The following STAP1 variants were observed in gnomAD, a reference collection of about 807,000 sequenced individuals.
STAP1 encodes the protein signal transducing adaptor family member 1, also known as signal-transducing adaptor protein 1.
Under a neutral mutation model 37.8 loss-of-function variants are expected in STAP1, and 30 were observed. The observed-to-expected ratio is 0.79, with a 90% CI of 0.59 to 1.08. The LOEUF (loss-of-function observed/expected upper bound fraction) is 1.08. Among genes scored for constraint, STAP1 ranks in the 50% least tolerant of loss-of-function variants. The pLI is 0.00. For missense variants in STAP1, 357 were observed against 349.4 expected, an observed-to-expected ratio of 1.02 and a Z score of -0.17; for synonymous variants, 130 against 116.0, an observed-to-expected ratio of 1.12 and a Z score of -0.78.
At position 67,571,074 on chromosome 4, in the gene STAP1, T is replaced by C. The variant is rs1727594106; in HGVS notation, c.121-10T>C. On this transcript the variant is annotated splice_polypyrimidine_tract_variant and intron_variant, in intron 1 of 8. Transcript: ENST00000265404. Reference sequence around the variant, plus strand: ...CTAATGAAATAATGTTTATGGTTTCTTTCCCACAGGAGTATGAGCATTACT... The same window carrying C: ...CTAATGAAATAATGTTTATGGTTTCCTTCCCACAGGAGTATGAGCATTACT... 1 of 1,605,980 alleles carries C rather than the reference T, an allele frequency of 6.2e-7. No individual in the cohort carries two copies. Among genetic ancestry groups the C allele is most frequent in the East Asian group, 2.2e-5 (1 of 44,792 alleles).
chr4:67,564,666 A>G (rs1433510353), intron 1 of STAP1, among the ~76,000 whole-genome samples: 1 of 152,116 alleles, frequency 6.6e-6, no homozygotes, highest in African/African-American at 2.4e-5. Context: ...CACAAATGAC[A>G]CTTTGGGAGC....
chr4:67,574,612 AC>A (rs1472819350), intron 2 of STAP1, among the ~76,000 whole-genome samples: 2 of 152,124 alleles, frequency 1.3e-5, no homozygotes, highest in African/African-American at 4.8e-5. Flanking sequence ...TTTTTCCTTT[AC>A]TTTTTAAAGC....
intron 2 of STAP1, among the ~76,000 whole-genome samples, chr4:67,574,365 TATG>T (rs1236854141): frequency 6.6e-6 from 1 of 152,082 alleles, no homozygotes; most frequent in African/African-American, 2.4e-5. Context: ...TATCATTAAA[TATG>T]ATATTTGACA....
chr4:67,573,120 A>G (rs1450436874), intron 2 of STAP1, among the ~76,000 whole-genome samples: 1 of 152,234 alleles, frequency 6.6e-6, no homozygotes, highest in Non-Finnish European at 1.5e-5. Flanking sequence ...AGCTGGCTTT[A>G]AATATTTGAA....
intron 1 of STAP1, among the ~76,000 whole-genome samples, chr4:67,568,629 T>C (rs1208521642): frequency 6.6e-6 from 1 of 152,186 alleles, no homozygotes; most frequent in African/African-American, 2.4e-5. Flanking sequence ...ATGAATGTAT[T>C]AATAATTAAA....
At chr4:67,574,235 C>T (rs1398173551) in intron 2 of STAP1, among the ~76,000 whole-genome samples, 2 of 151,988 alleles carry the variant, frequency 1.3e-5, no homozygotes, top group Non-Finnish European at 2.9e-5. Context: ...TCACAGAATG[C>T]TTTCCTTGAT....
chr4:67,575,388 G>A lies in STAP1; in HGVS notation c.196G>A (p.Val66Ile). 3.2e-6 allele frequency: 5 copies of A among 1,582,104 alleles called. No homozygotes were observed. The highest frequency in any genetic ancestry group is 4.3e-6 in the Non-Finnish European group (5 of 1,168,502). Reference sequence around the variant, plus strand: ...TGATCTTCCTTTATCTTTGCAGTATGTTGACAAATTAGACATAGTAGACCT... The same window carrying A: ...TGATCTTCCTTTATCTTTGCAGTATATTGACAAATTAGACATAGTAGACCT... ...FYTDKKSIIY[V>I]DKLDIVDLTC... The change falls in exon 3 of 9, where the codon GTT (valine) becomes ATT (isoleucine). Residue 66 changes from valine (V) to isoleucine (I), a missense_variant. By Grantham distance (29) the Val-to-Ile change is conservative. Transcript: ENST00000265404.
chr4:67,581,580 C>A (rs1025337586), intron 5 of STAP1, 109 bp downstream of exon 5: 3 of 1,230,340 alleles, frequency 2.4e-6, no homozygotes, highest in African/African-American at 3.0e-5. Context: ...AATAAGCAGT[C>A]TTGGGGATAA....
intron 7 of STAP1, among the ~76,000 whole-genome samples, chr4:67,591,410 A>T (rs562033492): frequency 7.2e-5 from 11 of 152,336 alleles, no homozygotes; most frequent in African/African-American, 1.7e-4. Context: ...CATGGGGCTA[A>T]TGATATAGCT....
intron 1 of STAP1, among the ~76,000 whole-genome samples, chr4:67,562,114 A>G (rs1448425500): frequency 1.3e-5 from 2 of 149,090 alleles, no homozygotes; most frequent in Non-Finnish European, 3.0e-5. Flanking sequence ...GAAAGAAAGA[A>G]AAGAAAAAGA....
At chr4:67,570,204 G>T (rs1321178290) in intron 1 of STAP1, among the ~76,000 whole-genome samples, 1 of 152,144 alleles carries the variant, frequency 6.6e-6, no homozygotes, top group Non-Finnish European at 1.5e-5. Flanking sequence ...GTATAGTATA[G>T]TAAGTACATA....
At chr4:67,600,322 T>C (rs1438546740) in intron 8 of STAP1, among the ~76,000 whole-genome samples, 1 of 152,218 alleles carries the variant, frequency 6.6e-6, no homozygotes, top group South Asian at 2.1e-4. Flanking sequence ...AAAGTTCCTC[T>C]TGTTACTGAT....
intron 8 of STAP1, among the ~76,000 whole-genome samples, chr4:67,597,808 C>A (rs1004350215): frequency 6.6e-6 from 1 of 152,202 alleles, no homozygotes; most frequent in South Asian, 2.1e-4. Context: ...TTACCCAATG[C>A]CTGTACCCCC....
In STAP1 at chr4:67,590,826, A is replaced by G. The variant is rs1299434559; in HGVS notation, c.660-58A>G. On this transcript the variant is annotated intron_variant, in intron 6 of 8. Transcript: ENST00000265404. ...ACAGGTGATATTTTATATTTACTTTAGTTTGCATTTACCCAATTGTATAAT... is the reference window on the plus strand; with the variant it reads ...ACAGGTGATATTTTATATTTACTTTGGTTTGCATTTACCCAATTGTATAAT... 2.8e-6 allele frequency: 3 copies of G among 1,089,644 alleles called. No individual in the cohort carries two copies. The African/African-American group carries it at 5.2e-5, about 19-fold the overall frequency. 67.5% of individuals were successfully genotyped at this position (1,089,644 alleles called of 1,614,324 possible).
intron 8 of STAP1, among the ~76,000 whole-genome samples, chr4:67,598,174 A>C (rs1728265168): frequency 6.6e-6 from 1 of 152,156 alleles, no homozygotes; most frequent in Non-Finnish European, 1.5e-5. Flanking sequence ...CTGATGGTTT[A>C]AAACTGGCAG....
chr4:67,588,472 C>T (rs992288048), intron 6 of STAP1, among the ~76,000 whole-genome samples: 4 of 151,888 alleles, frequency 2.6e-5, no homozygotes, highest in African/African-American at 7.3e-5. Context: ...TACAGTGGTG[C>T]GAGCTCGGCT....
At chr4:67,581,592 C>A in intron 5 of STAP1, 121 bp downstream of exon 5, 1 of 1,040,056 alleles carries the variant, frequency 9.6e-7, no homozygotes, top group Non-Finnish European at 1.4e-6. Flanking sequence ...TGGGGATAAA[C>A]TGTATATCTC....
intron 8 of STAP1, among the ~76,000 whole-genome samples, chr4:67,599,801 C>T (rs1728302839): frequency 1.3e-5 from 2 of 152,058 alleles, no homozygotes; most frequent in Admixed American, 6.6e-5. Context: ...GCCACCACGG[C>T]TGGCTCATTT....
chr4:67,584,080 AGAG>A (rs1727927405), intron 6 of STAP1, among the ~76,000 whole-genome samples: 1 of 136,780 alleles, frequency 7.3e-6, no homozygotes, highest in Non-Finnish European at 1.5e-5. Flanking sequence ...CCTGGGTGAC[AGAG>A]TGAGACTCGG....
Sources: gnomAD v4.1 joint callset for allele counts (sites outside exome capture counted in the v4.1 genomes callset) on GRCh38, gnomAD v4.1.1 for gene constraint, MANE v1.5 for transcripts, NCBI Gene and HGNC (gene_info 2026-07-23, HGNC 2026-07-21) for gene names.